The following PDE11A variants were observed in gnomAD, a reference collection of about 807,000 sequenced individuals.
PDE11A encodes the protein phosphodiesterase 11A.
In PDE11A, 100 loss-of-function variants were observed where a neutral mutation model predicts 100.5. The ratio of observed to expected loss-of-function variants is 1.00; its 90% CI spans 0.85 to 1.18. PDE11A has a LOEUF of 1.18. Among genes scored for constraint, PDE11A ranks in the 50% most tolerant of loss-of-function variants. The pLI is 0.00. For synonymous variants in PDE11A, 381 were observed against 420.8 expected (o/e 0.91, Z 1.16); for missense variants, 1,141 against 1,152.6 (o/e 0.99, Z 0.15).
chr2:177,714,415 G>A (rs1211614892), intron 12 of PDE11A, among the ~76,000 whole-genome samples: 1 of 152,138 alleles, frequency 6.6e-6, no homozygotes, highest in Non-Finnish European at 1.5e-5. Context: ...TTAACTTATG[G>A]AGTTCTCATA....
At chr2:177,655,318 T>C (rs1296350539) in intron 19 of PDE11A, among the ~76,000 whole-genome samples, 1 of 152,128 alleles carries the variant, frequency 6.6e-6, no homozygotes, top group East Asian at 1.9e-4. Context: ...AAAATATGCA[T>C]AGAGATGGTT....
intron 5 of PDE11A, among the ~76,000 whole-genome samples, chr2:177,852,408 A>G (rs767781860): frequency 2.0e-5 from 3 of 152,066 alleles, no homozygotes; most frequent in Non-Finnish European, 4.4e-5. Flanking sequence ...GATCTATATG[A>G]TAGTATTTGA....
intron 2 of PDE11A, among the ~76,000 whole-genome samples, chr2:177,913,403 T>G (rs10174604): frequency 0.12 from 18,839 of 152,122 alleles, 1,423 homozygotes; most frequent in African/African-American, 0.22. Flanking sequence ...TAATTGAGGG[T>G]TGTGTACCCT....
At chr2:177,930,468 T>C (rs2085190797) in intron 2 of PDE11A, among the ~76,000 whole-genome samples, 1 of 151,096 alleles carries the variant, frequency 6.6e-6, no homozygotes, top group Non-Finnish European at 1.5e-5. Flanking sequence ...CCAGTATGCA[T>C]CCTAGGGAAG....
intron 1 of PDE11A, among the ~76,000 whole-genome samples, chr2:178,038,143 A>G (rs2086640556): frequency 6.6e-6 from 1 of 152,206 alleles, no homozygotes; most frequent in South Asian, 2.1e-4. Context: ...TGAAATAAAA[A>G]AACTGTACAT....
intron 2 of PDE11A, among the ~76,000 whole-genome samples, chr2:178,001,067 T>C (rs2086139661): frequency 6.6e-6 from 1 of 152,188 alleles, no homozygotes; most frequent in Non-Finnish European, 1.5e-5. Flanking sequence ...TTCAGTGTTC[T>C]CATCCATAAG....
chr2:178,018,511 A>C, intron 1 of PDE11A: 1 of 470,646 alleles, frequency 2.1e-6, no homozygotes, highest in East Asian at 5.7e-5. Flanking sequence ...ACACCTTAAA[A>C]AGTACTTATC....
At chr2:177,684,031 A>G (rs928897127) in intron 15 of PDE11A, among the ~76,000 whole-genome samples, 6 of 152,214 alleles carry the variant, frequency 3.9e-5, no homozygotes, top group Non-Finnish European at 7.3e-5. Context: ...ACTGCCAACA[A>G]TAATACAAAT....
intron 2 of PDE11A, among the ~76,000 whole-genome samples, chr2:177,931,565 C>T (rs78678625): frequency 0.011 from 1,733 of 152,140 alleles, 27 homozygotes; most frequent in East Asian, 0.074. Flanking sequence ...ATAAAAGACG[C>T]AATCAAGGCA....
At chr2:177,757,924 T>C (rs919225767) in intron 10 of PDE11A, among the ~76,000 whole-genome samples, 1 of 152,116 alleles carries the variant, frequency 6.6e-6, no homozygotes, top group Non-Finnish European at 1.5e-5. Context: ...GCCTAATTCC[T>C]TTTAGTCTCA....
intron 2 of PDE11A, among the ~76,000 whole-genome samples, chr2:178,001,597 A>G (rs1167777312): frequency 6.6e-6 from 1 of 152,168 alleles, no homozygotes; most frequent in Admixed American, 6.5e-5. Context: ...AGAACATACA[A>G]CCTACCTTTG....
rs1342588197 is a variant in PDE11A, at chr2:178,050,130, A to C, written c.912+21396T>G. On this transcript the variant is annotated intron_variant, in intron 1 of 19. Coordinates refer to ENST00000286063, the MANE Select transcript of PDE11A (RefSeq NM_016953.4). ...GGGCAGACTGACACCTCATACGGCCAGGTGCCCCTCTGAGATGAAGCTTCC... is the reference window on the plus strand; with the variant it reads ...GGGCAGACTGACACCTCATACGGCCCGGTGCCCCTCTGAGATGAAGCTTCC... 2.6e-5 allele frequency among the ~76,000 whole-genome samples: 4 copies of C among 150,966 alleles called. No individual in the cohort carries two copies. In the South Asian group the frequency reaches 8.4e-4, roughly 32 times the overall value.
intron 5 of PDE11A, among the ~76,000 whole-genome samples, chr2:177,853,668 ATATATATATATATGTGTGTGTGTG>A (rs2083763523): frequency 3.1e-5 from 1 of 32,170 alleles, no homozygotes; most frequent in African/African-American, 9.9e-5. Flanking sequence ...ATATATATAT[ATATATATATATATGTGTGTGTGTG>A]TGTGTGTGTG....
chr2:177,700,737 T>G (rs79251629), intron 14 of PDE11A, among the ~76,000 whole-genome samples: 2,601 of 152,308 alleles, frequency 0.017, 66 homozygotes, highest in African/African-American at 0.059. Context: ...TACCATCTTT[T>G]AAAATGACTG....
At chr2:177,753,798 G>C (rs2082055004) in intron 10 of PDE11A, among the ~76,000 whole-genome samples, 1 of 151,002 alleles carries the variant, frequency 6.6e-6, no homozygotes, top group Non-Finnish European at 1.5e-5. Context: ...CATCTATCTT[G>C]TATGCATCCT....
At chr2:177,673,210 G>A (rs1332428819) in intron 17 of PDE11A, among the ~76,000 whole-genome samples, 1 of 152,214 alleles carries the variant, frequency 6.6e-6, no homozygotes, top group African/African-American at 2.4e-5. Flanking sequence ...GAGAGTTTTG[G>A]TGCCAAAGAA....
chr2:177,730,783 C>T (rs751167171), intron 10 of PDE11A, among the ~76,000 whole-genome samples: 8 of 152,240 alleles, frequency 5.3e-5, no homozygotes, highest in Non-Finnish European at 1.2e-4. Flanking sequence ...TGGCTTCACT[C>T]TCTGTACTTT....
intron 2 of PDE11A, among the ~76,000 whole-genome samples, chr2:177,962,591 G>A (rs971220288): frequency 5.3e-5 from 8 of 152,088 alleles, no homozygotes; most frequent in African/African-American, 1.9e-4. Flanking sequence ...AGATCCAATA[G>A]TTAACTGATG....
At chr2:178,078,179 C>T in intron 2 of PDE11A, among the ~76,000 whole-genome samples, 1 of 151,900 alleles carries the variant, frequency 6.6e-6, no homozygotes, top group East Asian at 1.9e-4. Context: ...CTCTTCTCCC[C>T]TTCCCTGACT....
Sources: allele counts gnomAD v4.1 joint callset (sites outside exome capture counted in the v4.1 genomes callset), GRCh38; gene constraint gnomAD v4.1.1; transcripts MANE v1.5; gene names NCBI Gene and HGNC (gene_info 2026-07-23, HGNC 2026-07-21).